The following TAB2 variants were observed in gnomAD, a reference collection of about 807,000 sequenced individuals.
TAB2 encodes TGF-beta activated kinase 1 (MAP3K7) binding protein 2.
TAB2 carries 3 observed loss-of-function variants against 65.0 expected under a neutral mutation model. The observed-to-expected ratio is 0.05, with a 90% CI of 0.02 to 0.12. The LOEUF is 0.12. Among genes scored for constraint, TAB2 ranks in the 10% least tolerant of loss-of-function variants. TAB2 has a pLI of 1.00. For missense variants in TAB2, 623 were observed against 840.3 expected, an observed-to-expected ratio of 0.74 and a Z score of 3.20; for synonymous variants, 298 against 285.1, an observed-to-expected ratio of 1.05 and a Z score of -0.46.
intron 1 of TAB2, among the ~76,000 whole-genome samples, chr6:149,345,956 G>C (rs1238176140): frequency 6.6e-6 from 1 of 152,098 alleles, no homozygotes; most frequent in Non-Finnish European, 1.5e-5. Flanking sequence ...GTTCCTTAGT[G>C]TGGCTATGCA....
chr6:149,253,964 AAGAAAGAAAGAAAG>A (rs1562389236), intron 1 of TAB2, among the ~76,000 whole-genome samples: 1,814 of 83,292 alleles, frequency 0.022, 50 homozygotes, highest in South Asian at 0.045. Flanking sequence ...AAGAAAAAGA[AAGAAAGAAAGAAAG>A]AAAGAAAGAA....
At chr6:149,313,100 C>T (rs1157202472), upstream of TAB2, among the ~76,000 whole-genome samples, 2 of 152,062 alleles carry the variant, frequency 1.3e-5, no homozygotes, top group Non-Finnish European at 2.9e-5. Context: ...CATCAGATTA[C>T]CATCCTCAAT....
chr6:149,330,189 T>C (rs1363382064), intron 1 of TAB2, among the ~76,000 whole-genome samples: 1 of 152,194 alleles, frequency 6.6e-6, no homozygotes, highest in Admixed American at 6.6e-5. Flanking sequence ...GAGTTTACCA[T>C]TGTATGGATA....
chr6:149,400,419 G>A, intron 6 of TAB2: 2 of 1,614,226 alleles, frequency 1.2e-6, no homozygotes, highest in African/African-American at 2.7e-5. Context: ...CACAGAAGAA[G>A]TCAAGACTGA....
intron 1 of TAB2, among the ~76,000 whole-genome samples, chr6:149,253,998 G>GAAAT (rs1208643961): frequency 7.1e-6 from 1 of 140,380 alleles, no homozygotes; most frequent in African/African-American, 2.7e-5. Context: ...AAGAAAGAAA[G>GAAAT]AAAGAAAGAA....
chr6:149,290,289 T>A (rs1051397443), intron 1 of TAB2, among the ~76,000 whole-genome samples: 5 of 152,206 alleles, frequency 3.3e-5, no homozygotes, highest in African/African-American at 1.2e-4. Context: ...CAGGAACCCA[T>A]GGCTCATCCC....
At chr6:149,331,682 A>G (rs551342602) in intron 1 of TAB2, among the ~76,000 whole-genome samples, 1 of 152,298 alleles carries the variant, frequency 6.6e-6, no homozygotes, top group Admixed American at 6.5e-5. Context: ...GATGCTGTTT[A>G]TCAAGTTGAG....
At chr6:149,231,294 A>T (rs6909841) in intron 1 of TAB2, among the ~76,000 whole-genome samples, 13,593 of 152,268 alleles carry the variant, frequency 0.089, 959 homozygotes, top group African/African-American at 0.2. Flanking sequence ...GTGAGCTTGA[A>T]CAGTCACCAC....
intron 1 of TAB2, among the ~76,000 whole-genome samples, chr6:149,275,493 G>A (rs576192941): frequency 1.8e-4 from 28 of 152,114 alleles, no homozygotes; most frequent in Non-Finnish European, 3.7e-4. Context: ...TAAATTTATG[G>A]AGAAGAAGAG....
intron 1 of TAB2, among the ~76,000 whole-genome samples, chr6:149,359,796 C>A (rs1188362496): frequency 6.6e-6 from 1 of 152,144 alleles, no homozygotes; most frequent in East Asian, 1.9e-4. Flanking sequence ...TCTGCTGTTA[C>A]AAAACAAAGT....
At chr6:149,394,727 G>A (rs1399666043) in intron 3 of TAB2, among the ~76,000 whole-genome samples, 2 of 152,136 alleles carry the variant, frequency 1.3e-5, no homozygotes, top group Non-Finnish European at 2.9e-5. Flanking sequence ...TTAGAGTAGT[G>A]CCTGAAGTGC....
At position 149,268,338 on chromosome 6, in the gene TAB2, G is replaced by A. The variant is rs145067715; in HGVS notation, c.-121+49562G>A. Among the ~76,000 whole-genome samples the A allele has an allele frequency of 3.9e-3, 598 of 152,294 alleles. 22 individuals are homozygous for A. The highest frequency in any genetic ancestry group is 0.037 in the Admixed American group (563 of 15,294). On this transcript the variant is annotated intron_variant, in intron 1 of 1. Coordinates refer to the TAB2 transcript ENST00000606202. ...AAAAGCACATCCAGAAGTTAGTCAC[G>A]TGGTCCACATCCAGCTGGGAGAAAA...
chr6:149,248,426 A>AG (rs61285636), intron 1 of TAB2, among the ~76,000 whole-genome samples: 28,390 of 127,104 alleles, frequency 0.22, 3,790 homozygotes, highest in East Asian at 0.36. Flanking sequence ...AGAAAAAGAA[A>AG]GAAAGGAAGG....
chr6:149,378,365 T>C lies in TAB2; in HGVS notation c.450T>C (p.Asn150=), dbSNP rs372346677. 19 of 1,614,110 alleles carry C rather than the reference T, an allele frequency of 1.2e-5. No individual in the cohort carries two copies. Among genetic ancestry groups the C allele is most frequent in the Admixed American group, 1.7e-5 (1 of 60,008 alleles). The change falls in exon 3 of 7, where the codon AAT becomes AAC. Residue 150 remains asparagine (N), a synonymous_variant. Coordinates refer to ENST00000637181, the MANE Select transcript of TAB2 (RefSeq NM_001292034.3). ...TGTCCAGTTCCTCTGGTGCTTCAAA[T>C]TCAGCACCACATCTTGGATTTCACT... ...FGMSSSSGAS[N]SAPHLGFHLG...
At chr6:149,251,411 TAAG>T (rs1777858667) in intron 1 of TAB2, among the ~76,000 whole-genome samples, 2 of 152,178 alleles carry the variant, frequency 1.3e-5, no homozygotes, top group African/African-American at 4.8e-5. Context: ...GGGACAAACT[TAAG>T]AAGAAATAAA....
At chr6:149,353,950 A>C (rs1205672332) in intron 1 of TAB2, among the ~76,000 whole-genome samples, 1 of 152,174 alleles carries the variant, frequency 6.6e-6, no homozygotes, top group East Asian at 1.9e-4. Context: ...ACCCACTAAA[A>C]CTTTGGAGTC....
chr6:149,318,947 G>T (rs1205954759), intron 1 of TAB2, among the ~76,000 whole-genome samples: 1 of 152,232 alleles, frequency 6.6e-6, no homozygotes, highest in Non-Finnish European at 1.5e-5. Context: ...CAGCCTCACA[G>T]GGGTTTCTCC....
At chr6:149,359,688 C>G (rs1583122172) in intron 1 of TAB2, among the ~76,000 whole-genome samples, 1 of 152,190 alleles carries the variant, frequency 6.6e-6, no homozygotes, top group Non-Finnish European at 1.5e-5. Context: ...AACTCTTCTC[C>G]CCCACATATC....
chr6:149,360,132 G>A (rs977023732), intron 1 of TAB2, among the ~76,000 whole-genome samples: 3 of 151,858 alleles, frequency 2.0e-5, no homozygotes, highest in Non-Finnish European at 2.9e-5. Flanking sequence ...TGGTATATAG[G>A]TATTTTGTTT....
Sources: allele counts gnomAD v4.1 joint callset (sites outside exome capture counted in the v4.1 genomes callset), GRCh38; gene constraint gnomAD v4.1.1; transcripts MANE v1.5; gene names NCBI Gene and HGNC (gene_info 2026-07-23, HGNC 2026-07-21).